The following CFAP20DC variants were observed in gnomAD, a reference collection of about 807,000 sequenced individuals.
CFAP20DC encodes the protein protein CFAP20DC.
Under a neutral mutation model 101.7 loss-of-function variants are expected in CFAP20DC, and 84 were observed. The observed-to-expected ratio is 0.83, with a 90% CI of 0.69 to 0.99. The LOEUF (loss-of-function observed/expected upper bound fraction) is 0.99, where lower values mean the gene tolerates loss of function less well. Ranked by LOEUF, CFAP20DC falls within the 50% of genes least tolerant of loss-of-function variation. The pLI is 0.00. For synonymous variants in CFAP20DC, 359 were observed against 351.2 expected (o/e 1.02, Z -0.25); for missense variants, 1,007 against 970.3 (o/e 1.04, Z -0.50).
Position 58,940,952 on chromosome 3 carries a change from TC to T in CFAP20DC, c.279-3191del, listed in dbSNP as rs575000753. 2.6e-4 allele frequency among the ~76,000 whole-genome samples: 40 copies of T among 152,300 alleles called. No individual in the cohort carries two copies. The South Asian group carries it at 7.2e-3, about 28-fold the overall frequency. On this transcript the variant is annotated intron_variant, in intron 4 of 16. Coordinates refer to ENST00000482387, the MANE Select transcript of CFAP20DC (RefSeq NM_001394063.1). ...TTTCTTTTTTAATGTTTTATAGTTT[TC>T]ATTTTAGAAGCCCTGCACATCTTTT...
chr3:58,899,154 C>T lies in CFAP20DC; in HGVS notation c.551-14445G>A, dbSNP rs948516322. 2.0e-5 allele frequency among the ~76,000 whole-genome samples: 3 copies of T among 152,214 alleles called. No homozygotes were observed. The highest frequency in any genetic ancestry group is 7.2e-5 in the African/African-American group (3 of 41,464). Reference sequence around the variant, plus strand: ...GAGACCCCTGTTGGGAGGTCTCATCCAGTCAGGAGTAACAGGATCAGGGAC... The same window carrying T: ...GAGACCCCTGTTGGGAGGTCTCATCTAGTCAGGAGTAACAGGATCAGGGAC... On this transcript the variant is annotated intron_variant, in intron 6 of 16. Transcript: ENST00000482387. This position sits in a 1 kb window ranked among gnomAD's most constrained non-coding sequence, Gnocchi z 5.0.
chr3:58,931,920 C>A (rs540893109), intron 5 of CFAP20DC, among the ~76,000 whole-genome samples: 6 of 152,312 alleles, frequency 3.9e-5, no homozygotes, highest in Non-Finnish European at 5.9e-5. Flanking sequence ...CAAAGCTGGA[C>A]GGAGAATGAC....
At chr3:58,754,057 A>G (rs2068755914) in intron 15 of CFAP20DC, among the ~76,000 whole-genome samples, 194 bp from the exon 16 acceptor site, 1 of 152,212 alleles carries the variant, frequency 6.6e-6, no homozygotes, top group South Asian at 2.1e-4. Context: ...TCACTTAACT[A>G]GCCAGTTTGA....
intron 14 of CFAP20DC, among the ~76,000 whole-genome samples, chr3:58,813,520 T>A (rs972250725): frequency 2.0e-5 from 3 of 151,958 alleles, no homozygotes; most frequent in African/African-American, 7.3e-5. Context: ...TCACCCATCA[T>A]AATGTGGCCC....
chr3:58,984,851 A>C (rs1168465436), intron 4 of CFAP20DC, among the ~76,000 whole-genome samples: 1 of 152,208 alleles, frequency 6.6e-6, no homozygotes, highest in East Asian at 1.9e-4. Context: ...GTGAGAGTTA[A>C]AGGAACTTGG....
chr3:58,954,248 TA>T (rs2090427108), intron 4 of CFAP20DC, among the ~76,000 whole-genome samples: 2 of 152,182 alleles, frequency 1.3e-5, no homozygotes, highest in African/African-American at 4.8e-5. Flanking sequence ...TCCAAGAGTG[TA>T]GATAAACTCA....
chr3:58,777,108 TA>T (rs538586987), intron 15 of CFAP20DC, among the ~76,000 whole-genome samples: 101 of 152,308 alleles, frequency 6.6e-4, no homozygotes, highest in African/African-American at 2.3e-3. Flanking sequence ...TCCTTGTGGA[TA>T]AAGAACAGAC....
chr3:58,750,046 T>C (rs2068460021), intron 16 of CFAP20DC, among the ~76,000 whole-genome samples: 1 of 152,180 alleles, frequency 6.6e-6, no homozygotes, highest in Admixed American at 6.5e-5. Context: ...TGCAGTGCTC[T>C]TCCTGCTGGC....
chr3:58,852,581 G>C (rs1659392903), intron 12 of CFAP20DC, among the ~76,000 whole-genome samples: 2 of 151,548 alleles, frequency 1.3e-5, no homozygotes, highest in Non-Finnish European at 1.5e-5. Context: ...CACATACTTG[G>C]AAGTAAAGCT....
chr3:58,967,582 T>A (rs572552613), intron 4 of CFAP20DC, among the ~76,000 whole-genome samples: 1 of 152,246 alleles, frequency 6.6e-6, no homozygotes, highest in Admixed American at 6.5e-5. Flanking sequence ...ACCCATAGAA[T>A]GGGAGGAAAT....
chr3:58,981,801 G>A lies in CFAP20DC; in HGVS notation c.279-44039C>T, dbSNP rs902483496. Among the ~76,000 whole-genome samples the A allele has an allele frequency of 4.9e-3, 752 of 152,182 alleles. 14 individuals are homozygous for A. Among genetic ancestry groups the A allele is most frequent in the Non-Finnish European group, 6.6e-3 (452 of 67,982 alleles). ...CCATTCAGGACATAGGCATGGGCAA[G>A]GACTTCATGTCTAAAACACCAAAAG... On this transcript the variant is annotated intron_variant, in intron 4 of 16. Coordinates refer to ENST00000482387, the MANE Select transcript of CFAP20DC (RefSeq NM_001394063.1).
chr3:58,927,012 GAAGT>G (rs1230784425), intron 5 of CFAP20DC, among the ~76,000 whole-genome samples: 2 of 152,192 alleles, frequency 1.3e-5, no homozygotes, highest in African/African-American at 4.8e-5. Flanking sequence ...TTACATTAAA[GAAGT>G]AAGATTGATT....
intron 15 of CFAP20DC, among the ~76,000 whole-genome samples, chr3:58,782,586 T>C (rs1270464291): frequency 6.6e-6 from 1 of 152,092 alleles, no homozygotes; most frequent in East Asian, 1.9e-4. Context: ...AGTTGAAGGA[T>C]ACAAAGTCAA....
chr3:58,990,180 A>T (rs928637029), intron 4 of CFAP20DC, among the ~76,000 whole-genome samples: 14 of 152,288 alleles, frequency 9.2e-5, no homozygotes, highest in African/African-American at 3.4e-4. Context: ...GAAGAAATTA[A>T]CAACTCCAAA....
chr3:58,925,182 T>A (rs2085815849), intron 5 of CFAP20DC, among the ~76,000 whole-genome samples: 1 of 152,122 alleles, frequency 6.6e-6, no homozygotes, highest in Non-Finnish European at 1.5e-5. Context: ...ATCTAGAAAT[T>A]TTGTTTTTAT....
At chr3:59,018,931 T>TACAC (rs142103726) in intron 4 of CFAP20DC, 12 of 151,610 alleles carry the variant, frequency 7.9e-5, no homozygotes, top group Admixed American at 2.0e-4. Context: ...AAAATGTGTA[T>TACAC]ACACACACAC....
chr3:58,752,150 C>A (rs1250059643), intron 16 of CFAP20DC, among the ~76,000 whole-genome samples: 2 of 152,074 alleles, frequency 1.3e-5, no homozygotes, highest in African/African-American at 4.8e-5. Flanking sequence ...TGCCATTAAC[C>A]AAATAGGAAA....
At chr3:58,800,495 T>C (rs928748491) in intron 15 of CFAP20DC, among the ~76,000 whole-genome samples, 3 of 152,094 alleles carry the variant, frequency 2.0e-5, no homozygotes, top group East Asian at 3.9e-4. Context: ...GAAGAAAGAA[T>C]AGATTTGCAG....
chr3:58,865,177 A>G (rs2079576999), intron 11 of CFAP20DC, among the ~76,000 whole-genome samples: 1 of 151,618 alleles, frequency 6.6e-6, no homozygotes, highest in Admixed American at 6.6e-5. Flanking sequence ...GTAATTTTAC[A>G]CCTGATTCTT....
Sources: allele counts gnomAD v4.1 joint callset (sites outside exome capture counted in the v4.1 genomes callset), GRCh38; gene constraint gnomAD v4.1.1; non-coding constraint Gnocchi (gnomAD v3.1); transcripts MANE v1.5; gene names NCBI Gene and HGNC (gene_info 2026-07-23, HGNC 2026-07-21).